DHX35: variants seen among roughly 807,000 people sequenced by gnomAD.
DHX35 encodes the protein probable ATP-dependent RNA helicase DHX35.
Under a neutral mutation model 99.6 loss-of-function variants are expected in DHX35, and 84 were observed. That is an observed-to-expected ratio of 0.84 (90% CI 0.71 to 1.01). DHX35 has a LOEUF of 1.01. Ranked by LOEUF, DHX35 falls within the 50% of genes least tolerant of loss-of-function variation. The pLI, the probability that DHX35 is intolerant of heterozygous loss-of-function variation, is 0.00. For missense variants in DHX35, 852 were observed against 888.5 expected, an observed-to-expected ratio of 0.96 and a Z score of 0.52; for synonymous variants, 331 against 316.2, an observed-to-expected ratio of 1.05 and a Z score of -0.50.
chr20:38,962,705 T>C, intron 1 of DHX35: 1 of 435,288 alleles, frequency 2.3e-6, no homozygotes, highest in Non-Finnish European at 4.1e-6. Flanking sequence ...AGATGGGGAA[T>C]CCTAAAGCTC....
chr20:39,009,208 T>C (rs960337208), intron 12 of DHX35, among the ~76,000 whole-genome samples: 1 of 152,168 alleles, frequency 6.6e-6, no homozygotes, highest in African/African-American at 2.4e-5. Flanking sequence ...AAAATGGGGT[T>C]ATCCTATCAA....
chr20:38,989,024 C>A, intron 5 of DHX35, 107 bp downstream of exon 5: 1 of 1,256,714 alleles, frequency 8.0e-7, no homozygotes. Context: ...GATACCATGG[C>A]AGAAAGTGAA....
At chr20:38,983,538 C>T (rs1568723155) in intron 3 of DHX35, among the ~76,000 whole-genome samples, 161 bp from the exon 4 acceptor site, 1 of 152,174 alleles carries the variant, frequency 6.6e-6, no homozygotes, top group African/African-American at 2.4e-5. Context: ...ATTACCAAGC[C>T]TCAGATCCTC....
intron 3 of DHX35, 147 bp from the exon 4 acceptor site, chr20:38,983,552 C>T: frequency 1.7e-6 from 1 of 589,620 alleles, no homozygotes; most frequent in Non-Finnish European, 3.0e-6. Context: ...GATCCTCCAT[C>T]TGTAAAATAA....
intron 21 of DHX35, 108 bp from the exon 22 acceptor site, chr20:39,038,391 T>C: frequency 8.2e-7 from 1 of 1,212,940 alleles, no homozygotes; most frequent in Non-Finnish European, 1.2e-6. Flanking sequence ...ACTGGGAAGG[T>C]GTGGACCAGA....
At chr20:38,969,942 C>T (rs1221965186) in intron 2 of DHX35, among the ~76,000 whole-genome samples, 2 of 152,162 alleles carry the variant, frequency 1.3e-5, no homozygotes, top group Non-Finnish European at 1.5e-5. Flanking sequence ...GTCATACAGC[C>T]CCTGATGAGG....
At chr20:38,996,138 A>G (rs1439343308) in intron 8 of DHX35, among the ~76,000 whole-genome samples, 1 of 152,016 alleles carries the variant, frequency 6.6e-6, no homozygotes, top group Non-Finnish European at 1.5e-5. Flanking sequence ...TTGAGCATTT[A>G]TTATCTCCTC....
intron 2 of DHX35, among the ~76,000 whole-genome samples, chr20:38,970,104 TATCA>T (rs2085971799): frequency 6.6e-6 from 1 of 152,166 alleles, no homozygotes; most frequent in African/African-American, 2.4e-5. Flanking sequence ...TCTGTCTATC[TATCA>T]GACAGGGTCT....
chr20:39,024,312 ATTG>A (rs1229360171), intron 17 of DHX35, among the ~76,000 whole-genome samples: 1 of 152,248 alleles, frequency 6.6e-6, no homozygotes, highest in Non-Finnish European at 1.5e-5. Context: ...CTCATGAAAA[ATTG>A]TTAATAAAGG....
chr20:38,962,440 G>T (rs368464643), intron 1 of DHX35, 33 bp downstream of exon 1: 6 of 1,607,474 alleles, frequency 3.7e-6, no homozygotes, highest in Non-Finnish European at 4.2e-6. Context: ...GGGCAGATGC[G>T]GCGGCCTGAC....
At chr20:39,034,131 A>C in intron 20 of DHX35, 75 bp from the exon 21 acceptor site, 1 of 1,082,808 alleles carries the variant, frequency 9.2e-7, no homozygotes, top group Admixed American at 1.7e-5. Flanking sequence ...GTTAAAGGAA[A>C]CAGCATGTCT....
chr20:39,016,755 C>G (rs181422813), intron 14 of DHX35, among the ~76,000 whole-genome samples: 2 of 152,062 alleles, frequency 1.3e-5, no homozygotes, highest in Non-Finnish European at 2.9e-5. Flanking sequence ...ATTTGCGTTT[C>G]CCTGATGAGT....
intron 21 of DHX35, among the ~76,000 whole-genome samples, chr20:39,036,682 C>T (rs1026359453): frequency 5.1e-5 from 7 of 137,258 alleles, no homozygotes; most frequent in Admixed American, 8.0e-5. Context: ...GCCGAGATCA[C>T]ACCACTGCAC....
At chr20:39,000,378 C>T (rs1428448487) in intron 8 of DHX35, among the ~76,000 whole-genome samples, 1 of 152,096 alleles carries the variant, frequency 6.6e-6, no homozygotes, top group African/African-American at 2.4e-5. Flanking sequence ...TGTCTGTTCC[C>T]ACTTGTTTGT....
Position 39,003,788 on chromosome 20 carries a change from G to T in DHX35, c.892G>T (p.Ala298Ser), listed in dbSNP as rs376780328. 9.3e-6 allele frequency: 15 copies of T among 1,614,072 alleles called. No homozygotes were observed. The African/African-American group carries it at 1.9e-4, about 20-fold the overall frequency. The change falls in exon 11 of 22, where the codon GCT (alanine) becomes TCT (serine). Residue 298 changes from alanine to serine, a missense_variant. Physicochemically the swap from Ala to Ser is moderately conservative, Grantham distance 99. Transcript: ENST00000252011. ...ETVVSMLIEQ[A>S]RALARTGMKR... ...TGTTGTGTCGATGCTCATCGAGCAG[G>T]CTCGAGCACTAGCTCGCACTGGGAT...
chr20:39,028,891 C>T (rs2145942695), intron 19 of DHX35, among the ~76,000 whole-genome samples: 1 of 152,288 alleles, frequency 6.6e-6, no homozygotes, highest in Non-Finnish European at 1.5e-5. Context: ...CCCCTCCCAC[C>T]CTGGTATAGT....
chr20:39,029,476 C>T (rs542363761), intron 19 of DHX35: 2 of 151,212 alleles, frequency 1.3e-5, no homozygotes, highest in African/African-American at 4.9e-5. Flanking sequence ...TAGCACTTTA[C>T]AATGATCTCT....
At chr20:38,966,408 GC>G (rs2085911425) in intron 1 of DHX35, among the ~76,000 whole-genome samples, 1 of 152,326 alleles carries the variant, frequency 6.6e-6, no homozygotes, top group Non-Finnish European at 1.5e-5. Flanking sequence ...GGTGGCTCAT[GC>G]CTATAATCCT....
chr20:39,002,997 G>T, intron 10 of DHX35, 129 bp downstream of exon 10: 1 of 821,374 alleles, frequency 1.2e-6, no homozygotes, highest in African/African-American at 1.8e-5. Flanking sequence ...TAATTGTGTA[G>T]AAAATTGATT....
Sources: allele counts gnomAD v4.1 joint callset (sites outside exome capture counted in the v4.1 genomes callset), GRCh38; gene constraint gnomAD v4.1.1; transcripts MANE v1.5; gene names NCBI Gene and HGNC (gene_info 2026-07-23, HGNC 2026-07-21).